The following DRG1 variants were observed in gnomAD, a reference collection of about 807,000 sequenced individuals.
The protein encoded by DRG1 is developmentally-regulated GTP-binding protein 1.
In DRG1, 19 loss-of-function variants were observed where a neutral mutation model predicts 38.8. That is an observed-to-expected ratio of 0.49 (90% CI 0.34 to 0.72). The LOEUF (loss-of-function observed/expected upper bound fraction) is 0.72. Among genes scored for constraint, DRG1 ranks in the 30% least tolerant of loss-of-function variants. DRG1 has a pLI of 0.01. For missense variants in DRG1, 299 were observed against 444.8 expected (o/e 0.67, Z 2.95); for synonymous variants, 167 against 157.5 (o/e 1.06, Z -0.45).
chr22:31,420,105 G>C, intron 4 of DRG1, 151 bp from the exon 5 acceptor site: 1 of 778,296 alleles, frequency 1.3e-6, no homozygotes, highest in Admixed American at 3.1e-5. Context: ...TAAATCTTCT[G>C]TAGCTATAAG....
At chr22:31,429,283 T>TAATTTTTGTATTTTTAGTAGA (rs1276673059) in intron 8 of DRG1, among the ~76,000 whole-genome samples, 2 of 152,016 alleles carry the variant, frequency 1.3e-5, no homozygotes, top group East Asian at 3.9e-4. Flanking sequence ...CGTGCCCGGC[T>TAATTTTTGTATTTTTAGTAGA]AATTTTTGTA....
At position 31,431,719 on chromosome 22, in the gene DRG1, G is replaced by C. The variant is rs114657481; in HGVS notation, c.1005-2153G>C. Among the ~76,000 whole-genome samples, 815 of 152,252 alleles carry C rather than the reference G, an allele frequency of 5.4e-3. 11 individuals are homozygous for C. The highest frequency in any genetic ancestry group is 0.019 in the African/African-American group (786 of 41,556). ...ACTTGTTTCTGATCCTAAGAGTACT[G>C]AGAGAGTGAAGTCCTTTATTGACCT... On this transcript the variant is annotated intron_variant, in intron 8 of 8. Coordinates refer to ENST00000331457, the MANE Select transcript of DRG1 (RefSeq NM_004147.4).
At chr22:31,408,088 C>T (rs1389625246) in intron 3 of DRG1, among the ~76,000 whole-genome samples, 10 of 147,584 alleles carry the variant, frequency 6.8e-5, no homozygotes, top group Admixed American at 1.4e-4. Context: ...ATCACACCAC[C>T]GCACTCCAGC....
In DRG1 at chr22:31,426,756, C is replaced by A. The variant is rs1665137385; in HGVS notation, c.855C>A (p.Ile285=). ...ATTTTGATGACCTATTGGAAAAGAT[C>A]TGGGACTATCTGAAACTAGTGAGAA... ...RWNFDDLLEK[I]WDYLKLVRIY... is the part of the protein sequence containing the mutation. Residue 285 remains isoleucine, a synonymous_variant, in exon 7 of 9, where the codon ATC becomes ATA. Transcript: ENST00000331457. The A allele has an allele frequency of 6.2e-7, 1 of 1,614,160 alleles. No homozygotes were observed. Among genetic ancestry groups the A allele is most frequent in the African/African-American group, 1.3e-5 (1 of 75,056 alleles).
intron 4 of DRG1, among the ~76,000 whole-genome samples, chr22:31,414,218 G>A (rs2050032695): frequency 6.6e-6 from 1 of 152,120 alleles, no homozygotes; most frequent in Non-Finnish European, 1.5e-5. Flanking sequence ...GGTTTTAAAT[G>A]TCTGGATCTA....
chr22:31,426,459 CTTTTTCTTTTTCT>C (rs1479691925), intron 6 of DRG1, 143 bp from the exon 7 acceptor site: 31 of 621,694 alleles, frequency 5.0e-5, no homozygotes, highest in Admixed American at 1.0e-4. Flanking sequence ...CCATAGTTCA[CTTTTTCTTTTTCT>C]TTTTTCTTTT....
At chr22:31,413,645 C>A in intron 4 of DRG1, among the ~76,000 whole-genome samples, 1 of 133,928 alleles carries the variant, frequency 7.5e-6, no homozygotes, top group African/African-American at 2.8e-5. Flanking sequence ...GATGGAGTCC[C>A]ACTCTGTTGC....
Position 31,425,465 on chromosome 22 carries a change from A to G in DRG1, c.714-1150A>G, listed in dbSNP as rs1400567078. Among the ~76,000 whole-genome samples the G allele has an allele frequency of 2.0e-5, 3 of 146,774 alleles. No homozygotes were observed. In the Admixed American group the frequency reaches 2.1e-4, roughly 10 times the overall value. Reference sequence around the variant, plus strand: ...CTTTTTTTTTTTTTTTTTGAGACAGAGTCATGCTCTTGTCGCCCAGGCTGT... The same window carrying G: ...CTTTTTTTTTTTTTTTTTGAGACAGGGTCATGCTCTTGTCGCCCAGGCTGT... On this transcript the variant is annotated intron_variant, in intron 6 of 8. Transcript: ENST00000331457.
chr22:31,409,838 C>T (rs2050009105), intron 3 of DRG1, among the ~76,000 whole-genome samples: 1 of 151,602 alleles, frequency 6.6e-6, no homozygotes, highest in South Asian at 2.1e-4. Context: ...TACTAAAATA[C>T]AAAAAATTAG....
At chr22:31,433,573 G>C (rs567289356) in intron 8 of DRG1, among the ~76,000 whole-genome samples, 1 of 152,108 alleles carries the variant, frequency 6.6e-6, no homozygotes, top group Non-Finnish European at 1.5e-5. Flanking sequence ...GCCCGGCCCA[G>C]AGTATTTCTC....
chr22:31,409,171 G>T (rs1428461048), intron 3 of DRG1, among the ~76,000 whole-genome samples: 1 of 151,922 alleles, frequency 6.6e-6, no homozygotes, highest in East Asian at 1.9e-4. Flanking sequence ...TGCAACCTTC[G>T]ACTGTCGGGT....
chr22:31,424,232 T>A (rs551225005), intron 6 of DRG1, among the ~76,000 whole-genome samples: 63 of 150,514 alleles, frequency 4.2e-4, no homozygotes, highest in Admixed American at 2.1e-3. Context: ...CACTGTAACC[T>A]CCTCCGCCTC....
Position 31,427,226 on chromosome 22 carries a change from ACCAATT to A in DRG1, c.1004+45_1004+50del, listed in dbSNP as rs745561090. The A allele has an allele frequency of 1.9e-6, 3 of 1,599,866 alleles. No individual in the cohort carries two copies. In the Admixed American group the frequency reaches 5.2e-5, roughly 28 times the overall value. On this transcript the variant is annotated intron_variant, in intron 8 of 8. Coordinates refer to ENST00000331457, the MANE Select transcript of DRG1 (RefSeq NM_004147.4). ...TGGTCCCTCCTTTTTCCTATGAGTT[ACCAATT>A]TTACTAACTAGTAATTCTTAGGATA...
chr22:31,410,901 T>C, intron 3 of DRG1, 111 bp from the exon 4 acceptor site: 1 of 1,074,672 alleles, frequency 9.3e-7, no homozygotes, highest in South Asian at 1.4e-5. Context: ...AAGATTGGAT[T>C]TGGGTCTGAT....
chr22:31,413,183 T>C (rs1431661408), intron 4 of DRG1, among the ~76,000 whole-genome samples: 1 of 152,072 alleles, frequency 6.6e-6, no homozygotes, highest in South Asian at 2.1e-4. Flanking sequence ...ACCGTAACCA[T>C]GAACTCATAG....
chr22:31,401,257 G>T (rs989523357), intron 2 of DRG1, among the ~76,000 whole-genome samples: 1 of 150,678 alleles, frequency 6.6e-6, no homozygotes, highest in Non-Finnish European at 1.5e-5. Context: ...TAGAAATGAG[G>T]GGTCCCCATA....
intron 8 of DRG1, among the ~76,000 whole-genome samples, chr22:31,429,413 C>A (rs1006745766): frequency 6.6e-6 from 1 of 151,988 alleles, no homozygotes; most frequent in Non-Finnish European, 1.5e-5. Context: ...TGAGCTACCA[C>A]GCCTGGCCTA....
Position 31,423,340 on chromosome 22 carries a change from C to G in DRG1, c.643C>G (p.His215Asp). 1 of 1,614,030 alleles carries G rather than the reference C, an allele frequency of 6.2e-7. No individual in the cohort carries two copies. Among genetic ancestry groups the G allele is most frequent in the African/African-American group, 1.3e-5 (1 of 74,986 alleles). ...GAGCATTCTGGCTGAATACAAGATT[C>G]ATAATGCCGATGTGACTCTACGTAG... Reference protein sequence around the residue: ...VKSILAEYKIHNADVTLRSDA... With the variant: ...VKSILAEYKIDNADVTLRSDA... Residue 215 changes from histidine to aspartate, a missense_variant, in exon 6 of 9, where the codon CAT (histidine) becomes GAT (aspartate). Transcript: ENST00000331457.
At chr22:31,418,674 ATTATTTAT>A (rs1007849238) in intron 4 of DRG1, among the ~76,000 whole-genome samples, 1 of 151,284 alleles carries the variant, frequency 6.6e-6, no homozygotes, top group African/African-American at 2.4e-5. Flanking sequence ...TGGCCAGCTA[ATTATTTAT>A]TTATTTATTT....
Sources: gnomAD v4.1 joint callset for allele counts (sites outside exome capture counted in the v4.1 genomes callset) on GRCh38, gnomAD v4.1.1 for gene constraint, MANE v1.5 for transcripts, NCBI Gene and HGNC (gene_info 2026-07-23, HGNC 2026-07-21) for gene names.